CACNA1B: variants seen among roughly 807,000 people sequenced by gnomAD.
The protein encoded by CACNA1B is voltage-dependent N-type calcium channel subunit alpha-1B.
In CACNA1B, 70 loss-of-function variants were observed where a neutral mutation model predicts 247.2. That is an observed-to-expected ratio of 0.28 (90% CI 0.23 to 0.35). The LOEUF (loss-of-function observed/expected upper bound fraction) is 0.35, where lower values mean the gene tolerates loss of function less well. Among genes scored for constraint, CACNA1B ranks in the 10% least tolerant of loss-of-function variants. The probability of loss-of-function intolerance (pLI) is 1.00; values close to 1 mark genes in which losing one functional copy is unlikely to be tolerated. For synonymous variants in CACNA1B, 1,231 were observed against 1,294.4 expected (o/e 0.95, Z 1.05); for missense variants, 2,367 against 3,197.4 (o/e 0.74, Z 6.26).
intron 6 of CACNA1B, among the ~76,000 whole-genome samples, chr9:137,947,975 C>CTTTTTTT (rs71387878): frequency 4.4e-4 from 35 of 79,422 alleles, no homozygotes; most frequent in African/African-American, 7.1e-4. Flanking sequence ...TTCAGCATTC[C>CTTTTTTT]TTTTTTTTTT....
In CACNA1B at chr9:137,917,468, C is replaced by A; in HGVS notation, c.966+37C>A. The A allele has an allele frequency of 6.3e-7, 1 of 1,578,548 alleles. No homozygotes were observed. The highest frequency in any genetic ancestry group is 1.3e-5 in the African/African-American group (1 of 74,376). On this transcript the variant is annotated intron_variant, in intron 6 of 46. Transcript: ENST00000371372. This position sits in a 1 kb window ranked among gnomAD's most constrained non-coding sequence, Gnocchi z 5.5. The stretch of plus-strand genomic sequence containing the variant: ...CTTGGCCCTGGGCCTGAGGGCAGGC[C>A]CTGGACCTCCTGAGCTGGTGCCTCT...
Position 138,102,959 on chromosome 9 carries a change from C to G in CACNA1B, c.5319+152C>G, listed in dbSNP as rs1006251393. On this transcript the variant is annotated intron_variant, in intron 38 of 46. Transcript: ENST00000371372. This position sits in a 1 kb window ranked among gnomAD's most constrained non-coding sequence, Gnocchi z 5.4. ...CCCCCGGCTGCCTCACTGTGTCTTT[C>G]TCTTCAGCCCCATCCCAGCTTCCTT... Among the ~76,000 whole-genome samples, 11 of 152,158 alleles carry G rather than the reference C, an allele frequency of 7.2e-5. No homozygotes were observed. Among genetic ancestry groups the G allele is most frequent in the African/African-American group, 2.7e-4 (11 of 41,438 alleles).
At chr9:138,016,623 G>C (rs1009728960) in intron 18 of CACNA1B, among the ~76,000 whole-genome samples, 1 of 152,162 alleles carries the variant, frequency 6.6e-6, no homozygotes, top group Non-Finnish European at 1.5e-5. Context: ...CGCCTCCTTT[G>C]TTAGCCTACG....
chr9:137,927,382 C>A (rs978488119), intron 6 of CACNA1B, among the ~76,000 whole-genome samples: 2 of 152,050 alleles, frequency 1.3e-5, no homozygotes, highest in African/African-American at 2.4e-5. Context: ...GCCATTACGC[C>A]TGTCTAATTT....
intron 20 of CACNA1B, among the ~76,000 whole-genome samples, chr9:138,032,503 T>A (rs1258440298): frequency 1.3e-5 from 2 of 152,160 alleles, no homozygotes; most frequent in East Asian, 3.8e-4. Context: ...CAATATTTCT[T>A]CTTTCATAAT....
chr9:138,053,266 G>C (rs1041954479), intron 25 of CACNA1B, among the ~76,000 whole-genome samples: 7 of 152,202 alleles, frequency 4.6e-5, no homozygotes, highest in Admixed American at 6.5e-5. Flanking sequence ...ACTCTGACCT[G>C]TAAGGTCGGC....
At chr9:138,008,812 G>A (rs114421452) in intron 16 of CACNA1B, among the ~76,000 whole-genome samples, 58 of 152,344 alleles carry the variant, frequency 3.8e-4, no homozygotes, top group African/African-American at 1.3e-3. Flanking sequence ...AGTCACTTTT[G>A]GTTGTCAGCA....
intron 39 of CACNA1B, among the ~76,000 whole-genome samples, chr9:138,107,216 T>C (rs571778724): frequency 6.2e-5 from 9 of 144,018 alleles, no homozygotes; most frequent in Non-Finnish European, 1.3e-4. Context: ...GAAATCATCT[T>C]ATTTTATTTA....
rs1260950050 is a variant in CACNA1B at position 138,122,817 on chromosome 9, G to A, written c.*818G>A. On this transcript the variant is annotated 3_prime_UTR_variant, in exon 47 of 47. Transcript: ENST00000371372. Reference sequence around the variant, plus strand: ...CCCTGGCTCTGCTGCTCTTGACCAAGTGCCTGACCGCCAGGCCCTCACACC... The same window carrying A: ...CCCTGGCTCTGCTGCTCTTGACCAAATGCCTGACCGCCAGGCCCTCACACC... The A allele has an allele frequency of 6.6e-6, 1 of 152,268 alleles. No homozygotes were observed. Among genetic ancestry groups the A allele is most frequent in the Non-Finnish European group, 1.5e-5 (1 of 68,066 alleles). The allele number at this position is 152,268 out of a possible 1,614,324, so 9.4% of individuals were successfully genotyped here. A position where few individuals can be genotyped will look rare whatever the true frequency, so the allele number is the denominator to read the frequency against.
At chr9:137,887,384 G>C (rs1175992314) in intron 3 of CACNA1B, among the ~76,000 whole-genome samples, 1 of 151,906 alleles carries the variant, frequency 6.6e-6, no homozygotes, top group African/African-American at 2.4e-5. Flanking sequence ...GAGGCCAGGA[G>C]AGTTTTATGA....
rs933739001 is a variant in CACNA1B at position 138,114,358 on chromosome 9, A to G, written c.5537-20A>G. ...CCTCTGCCCCCTTCTCCGAATCTCAACTCCTGTGTTCTTTTCCAGCTGATG... is the reference window on the plus strand; with the variant it reads ...CCTCTGCCCCCTTCTCCGAATCTCAGCTCCTGTGTTCTTTTCCAGCTGATG... On this transcript the variant is annotated intron_variant, in intron 40 of 46. Transcript: ENST00000371372. 11 of 1,277,632 alleles carry G rather than the reference A, an allele frequency of 8.6e-6. No homozygotes were observed. Among genetic ancestry groups the G allele is most frequent in the Non-Finnish European group, 1.2e-5 (11 of 887,144 alleles). The allele number at this position is 1,277,632 out of a possible 1,614,324, so 79.1% of individuals were successfully genotyped here. A position where few individuals can be genotyped will look rare whatever the true frequency, so the allele number is the denominator to read the frequency against.
chr9:137,982,772 A>G (rs1958308563), intron 12 of CACNA1B, among the ~76,000 whole-genome samples: 1 of 152,254 alleles, frequency 6.6e-6, no homozygotes, highest in Admixed American at 6.5e-5. Context: ...ATCACCAAGA[A>G]CAGATGGCAC....
chr9:138,120,776 C>T lies in CACNA1B; in HGVS notation c.6384C>T (p.Tyr2128=). The change falls in exon 46 of 47, where the codon TAC becomes TAT. Residue 2128 remains tyrosine, a synonymous_variant. Coordinates refer to ENST00000371372, the MANE Select transcript of CACNA1B (RefSeq NM_000718.4). ...CCTCCTCGGAGAAGCAGCGCTTCTA[C>T]TCCTGCGACCGCTTTGGGGGCCGTG... ...SSSSSEKQRF[Y]SCDRFGGREP... is the part of the protein sequence containing the mutation. 2.6e-6 allele frequency: 4 copies of T among 1,552,984 alleles called. No individual in the cohort carries two copies. Among genetic ancestry groups the T allele is most frequent in the Non-Finnish European group, 1.7e-6 (2 of 1,148,696 alleles).
chr9:137,979,100 G>C (rs959555308), intron 12 of CACNA1B, among the ~76,000 whole-genome samples: 3 of 152,220 alleles, frequency 2.0e-5, no homozygotes, highest in African/African-American at 7.2e-5. Flanking sequence ...TGGATCTCAG[G>C]ACATGGGGAT....
chr9:138,122,423 CCGAGACCT>C lies in CACNA1B; in HGVS notation c.*427_*434del, dbSNP rs1962134596. ...GAAGCAGGGCCCACCTGAAAGTGCG[CCGAGACCT>C]CGGGACGGAGGGGATGGGGAGGGGG... On this transcript the variant is annotated 3_prime_UTR_variant, in exon 47 of 47. Transcript: ENST00000371372. 1 of 185,272 alleles carries C rather than the reference CCGAGACCT, an allele frequency of 5.4e-6. No homozygotes were observed. Among genetic ancestry groups the C allele is most frequent in the Admixed American group, 5.5e-5 (1 of 18,284 alleles). 11.5% of individuals were successfully genotyped at this position (185,272 alleles called of 1,614,324 possible). A position where few individuals can be genotyped will look rare whatever the true frequency, so the allele number is the denominator to read the frequency against.
intron 6 of CACNA1B, among the ~76,000 whole-genome samples, chr9:137,931,449 C>T (rs930923895): frequency 1.1e-4 from 17 of 152,084 alleles, no homozygotes; most frequent in Admixed American, 2.0e-4. Flanking sequence ...GTAGCCTCTT[C>T]TTTTGTTACT....
chr9:138,073,153 C>T lies in CACNA1B; in HGVS notation c.4675-335C>T, dbSNP rs937590801. On this transcript the variant is annotated intron_variant, in intron 32 of 46. Coordinates refer to ENST00000371372, the MANE Select transcript of CACNA1B (RefSeq NM_000718.4). This position sits in a 1 kb window ranked among gnomAD's most constrained non-coding sequence, Gnocchi z 6.4. The stretch of plus-strand genomic sequence containing the variant: ...GTGGTCACTGCTGGAGGCCCAGCCA[C>T]AGGTGATCTCCCAGCTCACCTGGCA... Among the ~76,000 whole-genome samples, 17 of 152,218 alleles carry T rather than the reference C, an allele frequency of 1.1e-4. No homozygotes were observed. Among genetic ancestry groups the T allele is most frequent in the Non-Finnish European group, 2.4e-4 (16 of 68,038 alleles).
At chr9:138,071,389 T>C (rs1960127802) in intron 32 of CACNA1B, among the ~76,000 whole-genome samples, 1 of 152,208 alleles carries the variant, frequency 6.6e-6, no homozygotes, top group Non-Finnish European at 1.5e-5. Flanking sequence ...TCCGAGGGGC[T>C]GGCGGAGGCC....
intron 3 of CACNA1B, among the ~76,000 whole-genome samples, chr9:137,900,752 TCTCTGTCC>T: frequency 6.7e-6 from 1 of 149,554 alleles, no homozygotes; most frequent in East Asian, 2.0e-4. Flanking sequence ...GCTGTGTGTC[TCTCTGTCC>T]CTGTGTCTGT....
Sources: gnomAD v4.1 joint callset for allele counts (sites outside exome capture counted in the v4.1 genomes callset) on GRCh38, gnomAD v4.1.1 for gene constraint, Gnocchi (gnomAD v3.1) non-coding constraint, MANE v1.5 for transcripts, NCBI Gene and HGNC (gene_info 2026-07-23, HGNC 2026-07-21) for gene names.